FAM184B: variants seen among roughly 807,000 people sequenced by gnomAD.
FAM184B encodes family with sequence similarity 184 member B, also known as protein FAM184B.
FAM184B carries 111 observed loss-of-function variants against 135.9 expected under a neutral mutation model. That is an observed-to-expected ratio of 0.82 (90% CI 0.70 to 0.96). FAM184B has a LOEUF of 0.96. Among genes scored for constraint, FAM184B ranks in the 40% least tolerant of loss-of-function variants. The pLI, the probability that FAM184B is intolerant of heterozygous loss-of-function variation, is 0.00. For synonymous variants in FAM184B, 552 were observed against 524.8 expected (o/e 1.05, Z -0.71); for missense variants, 1,375 against 1,323.9 (o/e 1.04, Z -0.60).
chr4:17,647,830 C>G lies in FAM184B; in HGVS notation c.2192-39G>C, dbSNP rs1233691990. On this transcript the variant is annotated intron_variant, in intron 11 of 17. Coordinates refer to ENST00000265018, the MANE Select transcript of FAM184B (RefSeq NM_015688.2). ...AGCAGCAGTGAGTTAGGCGTTGGGT[C>G]TAGGCTGAAGCCTGTGTCATGGGGA... 3.3e-6 allele frequency: 5 copies of G among 1,531,908 alleles called. No individual in the cohort carries two copies. In the East Asian group the frequency reaches 9.9e-5, roughly 30 times the overall value. The allele number at this position is 1,531,908 out of a possible 1,614,324, so 94.9% of individuals were successfully genotyped here. A position where few individuals can be genotyped will look rare whatever the true frequency, so the allele number is the denominator to read the frequency against.
chr4:17,768,208 T>C (rs1718740359), intron 1 of FAM184B, among the ~76,000 whole-genome samples: 1 of 152,250 alleles, frequency 6.6e-6, no homozygotes, highest in Non-Finnish European at 1.5e-5. Context: ...AAAGATCATC[T>C]TTGACTTGGA....
chr4:17,773,400 C>T (rs1164871473), intron 1 of FAM184B, among the ~76,000 whole-genome samples: 2 of 152,196 alleles, frequency 1.3e-5, no homozygotes, highest in East Asian at 3.9e-4. Context: ...GAGAAGGCCC[C>T]ATGAGGTTAT....
At chr4:17,642,959 GCA>G (rs1225234284) in intron 12 of FAM184B, among the ~76,000 whole-genome samples, 1 of 152,214 alleles carries the variant, frequency 6.6e-6, no homozygotes, top group African/African-American at 2.4e-5. Flanking sequence ...TTAGTTCACT[GCA>G]CACAGTAATT....
At position 17,647,770 on chromosome 4, in the gene FAM184B, G is replaced by A. The variant is rs772981465; in HGVS notation, c.2213C>T (p.Ser738Leu). 4.8e-5 allele frequency: 75 copies of A among 1,550,506 alleles called. No homozygotes were observed. Among genetic ancestry groups the A allele is most frequent in the Middle Eastern group, 1.8e-4 (1 of 5,666 alleles). ...CCCAGAACAGGCAGCTTGCTGCTCC[G>A]ACAGCTCCTGTCTGAGCGACTCTGG... is the stretch of plus-strand genomic sequence containing the variant. ...LLLESLRQELSEQQAACSGHQ... is the reference protein window; with the variant it reads ...LLLESLRQELLEQQAACSGHQ... The change falls in exon 12 of 18, where the codon TCG (serine) becomes TTG (leucine). Residue 738 changes from serine to leucine, a missense_variant. Coordinates refer to ENST00000265018, the MANE Select transcript of FAM184B (RefSeq NM_015688.2).
chr4:17,722,438 G>A (rs1316382256), intron 1 of FAM184B, among the ~76,000 whole-genome samples: 1 of 152,174 alleles, frequency 6.6e-6, no homozygotes, highest in African/African-American at 2.4e-5. Context: ...AAATGAGCTT[G>A]GAATGGATTT....
chr4:17,722,451 A>AGATAGATCC (rs1372118155), intron 1 of FAM184B, among the ~76,000 whole-genome samples: 3 of 152,232 alleles, frequency 2.0e-5, no homozygotes, highest in Admixed American at 2.0e-4. Context: ...ATGGATTTCT[A>AGATAGATCC]GATAGATCCA....
rs76789767 is a variant in FAM184B at position 17,683,315 on chromosome 4, C to T, written c.1596+5109G>A. The stretch of plus-strand genomic sequence containing the variant: ...TTAAACACGCACACACCACTGCACC[C>T]GGCAAATTCCACGGGAGCAAGAGTT... On this transcript the variant is annotated intron_variant, in intron 7 of 17. Transcript: ENST00000265018. Among the ~76,000 whole-genome samples the T allele has an allele frequency of 9.2e-3, 1,401 of 152,248 alleles. 8 individuals are homozygous for T. Among genetic ancestry groups the T allele is most frequent in the Middle Eastern group, 0.017 (5 of 294 alleles).
chr4:17,659,892 C>G, intron 9 of FAM184B, 66 bp downstream of exon 9: 1 of 1,535,534 alleles, frequency 6.5e-7, no homozygotes, highest in Admixed American at 2.0e-5. Context: ...CATGCATTTC[C>G]AAGTTTGTAA....
chr4:17,683,768 A>C (rs1716502775), intron 7 of FAM184B, among the ~76,000 whole-genome samples: 1 of 152,020 alleles, frequency 6.6e-6, no homozygotes, highest in Non-Finnish European at 1.5e-5. Flanking sequence ...CTAAGCTATA[A>C]AATTTAAGTT....
intron 1 of FAM184B, among the ~76,000 whole-genome samples, chr4:17,719,284 G>C (rs1452618845): frequency 1.3e-5 from 2 of 152,104 alleles, no homozygotes; most frequent in Non-Finnish European, 2.9e-5. Context: ...GGGCAGGTAG[G>C]GACTACAGCG....
intron 1 of FAM184B, among the ~76,000 whole-genome samples, chr4:17,762,584 T>C (rs1442270301): frequency 1.3e-5 from 2 of 152,176 alleles, no homozygotes; most frequent in Non-Finnish European, 2.9e-5. Flanking sequence ...TGTGTTTGCA[T>C]CACATTCGAT....
intron 14 of FAM184B, among the ~76,000 whole-genome samples, chr4:17,638,192 T>C (rs4698639): frequency 0.6 from 81,884 of 135,478 alleles, 25,586 homozygotes; most frequent in East Asian, 0.9. Context: ...TTTGTTTTGT[T>C]TTGTTTTGTT....
rs1164311883 is a variant in FAM184B, at chr4:17,632,567, G to A, written c.3148C>T (p.His1050Tyr). ...AAGTACTTGGTGAACCATTCCTGGTGCGGAGAGCCCTGTTTCTGCTGGACT... is the reference window on the plus strand; with the variant it reads ...AAGTACTTGGTGAACCATTCCTGGTACGGAGAGCCCTGTTTCTGCTGGACT... ...KEVQQKQGSP[H>Y]QEWFTKYFSF is the part of the protein sequence containing the mutation. The change falls in exon 18 of 18, where the codon CAC becomes TAC. Residue 1050 changes from histidine to tyrosine, a missense_variant. By Grantham distance (83) the His-to-Tyr change is moderately conservative. Transcript: ENST00000265018. 6.4e-7 allele frequency: 1 copy of A among 1,551,502 alleles called. No individual in the cohort carries two copies. The highest frequency in any genetic ancestry group is 1.2e-5 in the South Asian group (1 of 84,058).
chr4:17,753,045 T>C (rs1347504141), intron 1 of FAM184B, among the ~76,000 whole-genome samples: 1 of 152,236 alleles, frequency 6.6e-6, no homozygotes. Context: ...ATTTGGTAGC[T>C]GGGCTTTTGA....
At chr4:17,636,144 C>T (rs944149146) in intron 15 of FAM184B, among the ~76,000 whole-genome samples, 4 of 152,184 alleles carry the variant, frequency 2.6e-5, no homozygotes, top group South Asian at 2.1e-4. Flanking sequence ...CTTGCTCTGT[C>T]GCCCAGACTG....
intron 1 of FAM184B, among the ~76,000 whole-genome samples, chr4:17,738,290 A>G (rs1717953218): frequency 6.6e-6 from 1 of 152,112 alleles, no homozygotes; most frequent in Non-Finnish European, 1.5e-5. Context: ...TCACATGGAA[A>G]AAGCTTCCTG....
At chr4:17,757,983 A>T (rs1718458768) in intron 1 of FAM184B, among the ~76,000 whole-genome samples, 1 of 152,164 alleles carries the variant, frequency 6.6e-6, no homozygotes, top group Non-Finnish European at 1.5e-5. Context: ...CAAATATCCA[A>T]CTGCCTCCTT....
intron 7 of FAM184B, among the ~76,000 whole-genome samples, chr4:17,671,313 C>G (rs532656579): frequency 6.6e-6 from 1 of 152,158 alleles, no homozygotes; most frequent in East Asian, 1.9e-4. Context: ...AGAGGGCTAG[C>G]TTTTGTCTTG....
At chr4:17,653,927 G>GAGAGAGAGGGAGGGA (rs1469750605) in intron 10 of FAM184B, among the ~76,000 whole-genome samples, 1 of 15,246 alleles carries the variant, frequency 6.6e-5, no homozygotes, top group Non-Finnish European at 1.1e-4. Flanking sequence ...AGAGGGAGGG[G>GAGAGAGAGGGAGGGA]GAGGGGGATT....
Sources: gnomAD v4.1 joint callset for allele counts (sites outside exome capture counted in the v4.1 genomes callset) on GRCh38, gnomAD v4.1.1 for gene constraint, MANE v1.5 for transcripts, NCBI Gene and HGNC (gene_info 2026-07-23, HGNC 2026-07-21) for gene names.